SYCP2L: variants seen among roughly 807,000 people sequenced by gnomAD.
SYCP2L encodes the protein synaptonemal complex protein 2 like.
A neutral mutation model predicts 125.8 loss-of-function variants in SYCP2L; 98 were observed. That is an observed-to-expected ratio of 0.78 (90% CI 0.66 to 0.92). The LOEUF is 0.92. SYCP2L is among the 40% of genes least tolerant of loss of function. The pLI is 0.00. For synonymous variants in SYCP2L, 317 were observed against 325.4 expected (o/e 0.97, Z 0.28); for missense variants, 842 against 936.4 (o/e 0.90, Z 1.32).
At chr6:10,900,340 T>C (rs1454447048) in intron 6 of SYCP2L, among the ~76,000 whole-genome samples, 2 of 150,116 alleles carry the variant, frequency 1.3e-5, no homozygotes, top group Non-Finnish European at 3.0e-5. Flanking sequence ...CCAGAGCTCT[T>C]TCTTTTTCTT....
chr6:10,909,379 C>T (rs775615993), intron 10 of SYCP2L, among the ~76,000 whole-genome samples: 11 of 151,990 alleles, frequency 7.2e-5, no homozygotes, highest in African/African-American at 1.4e-4. Context: ...CTGCCCGCCT[C>T]GGCCTCCCAA....
At chr6:10,928,540 T>G (rs1780937991) in intron 18 of SYCP2L, 90 bp downstream of exon 18, 2 of 1,425,464 alleles carry the variant, frequency 1.4e-6, no homozygotes, top group Non-Finnish European at 1.8e-6. Flanking sequence ...CATGGACCAT[T>G]TTCTCCTGGC....
At chr6:10,925,355 CAT>C (rs1176154959) in intron 15 of SYCP2L, among the ~76,000 whole-genome samples, 1 of 152,176 alleles carries the variant, frequency 6.6e-6, no homozygotes, top group Admixed American at 6.5e-5. Flanking sequence ...ATCAGGGAGT[CAT>C]TAGGAATAAA....
intron 15 of SYCP2L, 106 bp from the exon 16 acceptor site, chr6:10,926,233 C>A: frequency 1.2e-6 from 1 of 823,652 alleles, no homozygotes; most frequent in Non-Finnish European, 2.0e-6. Flanking sequence ...ACTTGACTAA[C>A]TTCTGATTTA....
intron 21 of SYCP2L, among the ~76,000 whole-genome samples, 158 bp from the exon 22 acceptor site, chr6:10,942,301 G>T (rs879652726): frequency 6.6e-6 from 1 of 152,054 alleles, no homozygotes; most frequent in Non-Finnish European, 1.5e-5. Flanking sequence ...TAATAAAAAA[G>T]AATTCGTGTC....
intron 9 of SYCP2L, 147 bp from the exon 10 acceptor site, chr6:10,907,395 G>A: frequency 1.7e-6 from 1 of 582,012 alleles, no homozygotes; most frequent in Non-Finnish European, 2.9e-6. Context: ...AATTACTCCA[G>A]GATGCATTTT....
intron 11 of SYCP2L, 150 bp downstream of exon 11, chr6:10,910,350 T>C: frequency 1.4e-6 from 1 of 722,820 alleles, no homozygotes; most frequent in South Asian, 2.0e-5. Context: ...AGTGGAAACC[T>C]GAGAAGATCA....
At chr6:10,915,259 TCAGCAAA>T (rs1780673289) in intron 14 of SYCP2L, among the ~76,000 whole-genome samples, 1 of 152,234 alleles carries the variant, frequency 6.6e-6, no homozygotes. Flanking sequence ...ATCATTATCA[TCAGCAAA>T]CAGAGACAGT....
intron 15 of SYCP2L, among the ~76,000 whole-genome samples, chr6:10,925,024 A>G (rs1780873128): frequency 6.6e-6 from 1 of 152,188 alleles, no homozygotes; most frequent in Admixed American, 6.5e-5. Context: ...CACGCTGCTA[A>G]TAAAGACATA....
intron 14 of SYCP2L, among the ~76,000 whole-genome samples, chr6:10,915,305 C>T (rs1326819894): frequency 2.0e-5 from 3 of 152,064 alleles, no homozygotes; most frequent in Non-Finnish European, 2.9e-5. Flanking sequence ...ATTTGGATGC[C>T]CTTTATTTCT....
chr6:10,946,449 A>G (rs1436506190), intron 23 of SYCP2L, among the ~76,000 whole-genome samples: 3 of 152,108 alleles, frequency 2.0e-5, no homozygotes, highest in East Asian at 3.8e-4. Context: ...TCCAGATTAT[A>G]TAGACCTAAG....
At chr6:10,964,937 G>T (rs1406857857) in intron 29 of SYCP2L, among the ~76,000 whole-genome samples, 1 of 152,094 alleles carries the variant, frequency 6.6e-6, no homozygotes, top group Admixed American at 6.5e-5. Context: ...AGTGAGTAAG[G>T]GAAGCAGTTA....
At position 10,961,739 on chromosome 6, in the gene SYCP2L, G is replaced by A. The variant is rs185634277; in HGVS notation, c.2414+181G>A. On this transcript the variant is annotated intron_variant, in intron 28 of 29. Transcript: ENST00000283141. ...CAGAGTGCGGCTAATGATACCATTC[G>A]AGAGGCGTAAATCTTGAAAAGCCTG... Among the ~76,000 whole-genome samples the A allele has an allele frequency of 4.6e-3, 700 of 152,272 alleles. 2 individuals carry two copies. Among genetic ancestry groups the A allele is most frequent in the Middle Eastern group, 0.027 (8 of 294 alleles).
intron 6 of SYCP2L, among the ~76,000 whole-genome samples, chr6:10,899,666 T>C (rs1216235972): frequency 6.6e-6 from 1 of 152,264 alleles, no homozygotes; most frequent in East Asian, 1.9e-4. Flanking sequence ...TACATGTTTT[T>C]AGTTTTCTTC....
At chr6:10,955,542 A>C (rs1328373441) in intron 24 of SYCP2L, among the ~76,000 whole-genome samples, 1 of 152,228 alleles carries the variant, frequency 6.6e-6, no homozygotes, top group Non-Finnish European at 1.5e-5. Context: ...AGAAATATCT[A>C]TACCGATTAA....
chr6:10,897,441 G>A (rs181779412), intron 4 of SYCP2L, among the ~76,000 whole-genome samples: 19 of 146,152 alleles, frequency 1.3e-4, no homozygotes, highest in Non-Finnish European at 2.2e-4. Context: ...GTGGGGTCTC[G>A]CTCTGTTCCC....
rs115030264 is a variant in SYCP2L, at chr6:10,896,467, A to T, written c.337-1544A>T. Among the ~76,000 whole-genome samples the T allele has an allele frequency of 1.8e-3, 280 of 152,236 alleles. 1 individual carries two copies. The highest frequency in any genetic ancestry group is 6.3e-3 in the African/African-American group (263 of 41,528). On this transcript the variant is annotated intron_variant, in intron 4 of 29. Transcript: ENST00000283141. ...TGGGAGTGCGATAGGCTTTGGAGGG[A>T]TAGATGGAGTGGTGACAAAAATGTA...
At chr6:10,967,461 G>GTGTA (rs1781702127) in intron 29 of SYCP2L, among the ~76,000 whole-genome samples, 2 of 142,350 alleles carry the variant, frequency 1.4e-5, no homozygotes, top group Admixed American at 6.8e-5. Context: ...GAGGGTGTGT[G>GTGTA]TGTGTGTGTG....
At chr6:10,948,085 T>G (rs1222975135) in intron 23 of SYCP2L, among the ~76,000 whole-genome samples, 1 of 152,156 alleles carries the variant, frequency 6.6e-6, no homozygotes, top group African/African-American at 2.4e-5. Flanking sequence ...TTGTATATAT[T>G]TAAGGTATCT....
Sources: allele counts gnomAD v4.1 joint callset (sites outside exome capture counted in the v4.1 genomes callset), GRCh38; gene constraint gnomAD v4.1.1; transcripts MANE v1.5; gene names NCBI Gene and HGNC (gene_info 2026-07-23, HGNC 2026-07-21).